The following DNMBP variants were observed in gnomAD, a reference collection of about 807,000 sequenced individuals.
DNMBP encodes the protein dynamin-binding protein.
A neutral mutation model predicts 150.0 loss-of-function variants in DNMBP; 87 were observed. That is an observed-to-expected ratio of 0.58 (90% CI 0.49 to 0.69). The LOEUF (loss-of-function observed/expected upper bound fraction) is 0.69, where lower values mean the gene tolerates loss of function less well. Among genes scored for constraint, DNMBP ranks in the 30% least tolerant of loss-of-function variants. DNMBP has a pLI of 0.00. For missense variants in DNMBP, 1,774 were observed against 1,949.0 expected (o/e 0.91, Z 1.69); for synonymous variants, 711 against 750.4 (o/e 0.95, Z 0.86).
intron 1 of DNMBP, among the ~76,000 whole-genome samples, chr10:100,005,776 AAAAAAAAACC>A (rs1301336738): frequency 2.3e-5 from 3 of 128,152 alleles, no homozygotes; most frequent in South Asian, 4.6e-4. Context: ...AAAAAAAAAA[AAAAAAAAACC>A]AAACTACATA....
chr10:99,973,210 C>A (rs1395273667), intron 1 of DNMBP, among the ~76,000 whole-genome samples: 1 of 152,204 alleles, frequency 6.6e-6, no homozygotes, highest in Non-Finnish European at 1.5e-5. Context: ...GGATTCCAGG[C>A]ATGAGCCACC....
At chr10:99,900,716 C>T (rs1465057180) in intron 6 of DNMBP, among the ~76,000 whole-genome samples, 4 of 152,120 alleles carry the variant, frequency 2.6e-5, no homozygotes, top group Non-Finnish European at 4.4e-5. Context: ...CTGCAACATC[C>T]GCCTCCCTGG....
chr10:99,958,447 T>G (rs773218033), intron 3 of DNMBP: 2 of 152,236 alleles, frequency 1.3e-5, no homozygotes, highest in Non-Finnish European at 2.9e-5. Flanking sequence ...CACCATTTTA[T>G]GTGCAAGAAT....
At chr10:99,995,694 T>A (rs918391314) in intron 1 of DNMBP, among the ~76,000 whole-genome samples, 1 of 152,204 alleles carries the variant, frequency 6.6e-6, no homozygotes, top group South Asian at 2.1e-4. Flanking sequence ...TGTCTTATGA[T>A]GGACAGAAAT....
rs2039343050 is a variant in DNMBP, at chr10:99,880,158, T to G, written c.4201A>C (p.Lys1401Gln). The G allele has an allele frequency of 1.2e-6, 2 of 1,614,144 alleles. No homozygotes were observed. The highest frequency in any genetic ancestry group is 1.7e-4 in the Middle Eastern group (1 of 6,060). The change falls in exon 16 of 17, where the codon AAG (lysine) becomes CAG (glutamine). Residue 1401 changes from lysine (K) to glutamine (Q), a missense_variant. By Grantham distance (53) the Lys-to-Gln change is moderately conservative (BLOSUM62 1). Around this residue, in one of 2 missense-constraint regions of DNMBP, gnomAD observed 1,430 missense variants for 1,492.5 expected, o/e 0.96. Coordinates refer to ENST00000324109, the MANE Select transcript of DNMBP (RefSeq NM_015221.4). ...GGAGGAGATGCATCTTGAGGCTGCT[T>G]CTGGCAAGACCCCGAGGTAAAGGAT... ...AVSFTSGSCQ[K>Q]QPQDASPPPK...
intron 15 of DNMBP, among the ~76,000 whole-genome samples, chr10:99,883,136 T>G (rs924046391): frequency 7.9e-5 from 12 of 152,244 alleles, no homozygotes; most frequent in Non-Finnish European, 1.5e-5. Context: ...ATCACCTTCA[T>G]TCAGGTTTTG....
At chr10:99,932,936 A>T (rs1203035894) in intron 4 of DNMBP, among the ~76,000 whole-genome samples, 2 of 151,880 alleles carry the variant, frequency 1.3e-5, no homozygotes, top group African/African-American at 4.9e-5. Flanking sequence ...ATCCCAGGGG[A>T]ATAGCTTGTA....
At position 99,955,314 on chromosome 10, in the gene DNMBP, C is replaced by T; in HGVS notation, c.2160G>A (p.Glu720=). ...RAQEELNLML[E]EKQDESSRAE... is the part of the protein sequence containing the mutation. ...CTCTTGATGATTCATCCTGCTTCTC[C>T]TCCAGCATGAGGTTTAGCTCTTCTT... Residue 720 remains glutamate (E), a synonymous_variant, in exon 4 of 17, where the codon GAG becomes GAA. Transcript: ENST00000324109. The T allele has an allele frequency of 6.2e-7, 1 of 1,614,154 alleles. No homozygotes were observed. The highest frequency in any genetic ancestry group is 8.5e-7 in the Non-Finnish European group (1 of 1,180,018).
chr10:99,987,283 T>C (rs1333779402), intron 1 of DNMBP, among the ~76,000 whole-genome samples: 1 of 152,066 alleles, frequency 6.6e-6, no homozygotes, highest in East Asian at 1.9e-4. Context: ...CTAGGATCAC[T>C]TGAGGCTAGG....
intron 11 of DNMBP, among the ~76,000 whole-genome samples, chr10:99,892,767 T>TA (rs994289239): frequency 1.2e-4 from 18 of 150,328 alleles, no homozygotes; most frequent in Admixed American, 4.0e-4. Flanking sequence ...AAAAATAAAT[T>TA]AAAAAAAAAT....
chr10:99,918,211 C>A (rs2039987936), intron 4 of DNMBP, among the ~76,000 whole-genome samples: 1 of 151,934 alleles, frequency 6.6e-6, no homozygotes, highest in African/African-American at 2.4e-5. Context: ...ACCCAACCCC[C>A]ACTGCTTTTC....
rs778181118 is a variant in DNMBP at position 99,880,263 on chromosome 10, C to T, written c.4096G>A (p.Glu1366Lys). ...AACCTGGGGGAGGAGCTGCCGTGCT[C>T]AGACTCTGTGGAGGAGTGGCTACCC... The part of the protein sequence containing the change: ...SVGSHSSTES[E>K]HGSSSPRFPR... Residue 1366 changes from glutamate (E) to lysine (K), a missense_variant, in exon 16 of 17, where the codon GAG (glutamate) becomes AAG (lysine). Around this residue, in one of 2 missense-constraint regions of DNMBP, gnomAD observed 1,430 missense variants for 1,492.5 expected, o/e 0.96. Transcript: ENST00000324109. The T allele has an allele frequency of 1.4e-5, 23 of 1,613,936 alleles. No homozygotes were observed. In the African/African-American group the frequency reaches 2.4e-4, roughly 17 times the overall value.
intron 1 of DNMBP, among the ~76,000 whole-genome samples, chr10:99,984,186 G>T (rs947273117): frequency 2.0e-5 from 3 of 152,104 alleles, no homozygotes; most frequent in Non-Finnish European, 4.4e-5. Flanking sequence ...CACTGGTGGA[G>T]GGAGGTCCCA....
intron 1 of DNMBP, among the ~76,000 whole-genome samples, chr10:99,979,238 G>A (rs111333557): frequency 1.1e-4 from 16 of 152,230 alleles, no homozygotes; most frequent in African/African-American, 3.6e-4. Context: ...GGACAGTAGC[G>A]TTTAGAGTCT....
In DNMBP at chr10:99,962,630, C is replaced by CAA. The variant is rs575912102; in HGVS notation, c.269-5427_269-5426dup. On this transcript the variant is annotated intron_variant, in intron 3 of 16. Coordinates refer to ENST00000324109, the MANE Select transcript of DNMBP (RefSeq NM_015221.4). Reference sequence around the variant, plus strand: ...TGGGCGATAGAGCGAGACTCCGTCTCAAAAAAAAAAACAAACAAAAAACCA... The same window carrying CAA: ...TGGGCGATAGAGCGAGACTCCGTCTCAAAAAAAAAAAAACAAACAAAAAACCA... 7.1e-3 allele frequency among the ~76,000 whole-genome samples: 1,017 copies of CAA among 143,258 alleles called. 11 individuals carry two copies. The highest frequency in any genetic ancestry group is 0.025 in the African/African-American group (973 of 39,600). 94.0% of individuals were successfully genotyped at this position (143,258 alleles called of 152,430 possible).
At chr10:99,992,750 T>C (rs2040910526) in intron 1 of DNMBP, among the ~76,000 whole-genome samples, 1 of 152,088 alleles carries the variant, frequency 6.6e-6, no homozygotes, top group South Asian at 2.1e-4. Flanking sequence ...ATGGTCTCGA[T>C]CTCATGACCT....
chr10:99,984,675 C>T (rs529005838), intron 1 of DNMBP, among the ~76,000 whole-genome samples: 1 of 152,312 alleles, frequency 6.6e-6, no homozygotes, highest in Non-Finnish European at 1.5e-5. Context: ...GTTTCAAGCA[C>T]AAACTTGTGT....
At chr10:99,938,314 TG>T (rs1283701049) in intron 4 of DNMBP, among the ~76,000 whole-genome samples, 1 of 152,050 alleles carries the variant, frequency 6.6e-6, no homozygotes, top group East Asian at 1.9e-4. Context: ...GAGGCCAAGG[TG>T]GGCGGATCAC....
intron 15 of DNMBP, 60 bp from the exon 16 acceptor site, chr10:99,880,421 G>A: frequency 1.4e-6 from 2 of 1,457,100 alleles, no homozygotes; most frequent in Non-Finnish European, 1.8e-6. Flanking sequence ...ACAGACAGAG[G>A]GAGCATTGAG....
Sources: gnomAD v4.1 joint callset for allele counts (sites outside exome capture counted in the v4.1 genomes callset) on GRCh38, gnomAD v4.1.1 for gene constraint, gnomAD v4.1.1 regional missense constraint, MANE v1.5 for transcripts, NCBI Gene and HGNC (gene_info 2026-07-23, HGNC 2026-07-21) for gene names.